ELP2: variants seen among roughly 807,000 people sequenced by gnomAD.
The protein encoded by ELP2 is elongator complex protein 2.
Under a neutral mutation model 119.2 loss-of-function variants are expected in ELP2, and 90 were observed. The ratio of observed to expected loss-of-function variants is 0.75; its 90% CI spans 0.64 to 0.90. ELP2 has a LOEUF of 0.90. Ranked by LOEUF, ELP2 falls within the 40% of genes least tolerant of loss-of-function variation. The pLI, the probability that ELP2 is intolerant of heterozygous loss-of-function variation, is 0.00. For synonymous variants in ELP2, 339 were observed against 331.0 expected (o/e 1.02, Z -0.26); for missense variants, 921 against 967.8 (o/e 0.95, Z 0.64).
At chr18:36,133,713 TTTAC>T (rs2144564389) in intron 2 of ELP2, among the ~76,000 whole-genome samples, 1 of 130,050 alleles carries the variant, frequency 7.7e-6, no homozygotes, top group Admixed American at 8.5e-5. Context: ...TTTTCTTTTA[TTTAC>T]TTATTTATTT....
chr18:36,132,841 A>G (rs892841940), intron 1 of ELP2, among the ~76,000 whole-genome samples: 5 of 151,648 alleles, frequency 3.3e-5, no homozygotes, highest in African/African-American at 1.2e-4. Context: ...TTTTGGTCAG[A>G]GAAACCCTCA....
intron 1 of ELP2, among the ~76,000 whole-genome samples, chr18:36,132,284 C>G (rs1478297117): frequency 2.0e-5 from 3 of 152,198 alleles, no homozygotes; most frequent in African/African-American, 7.2e-5. Flanking sequence ...CGACGACCAT[C>G]TGTGGGCTAG....
rs191303829 is a variant in ELP2, at chr18:36,166,697, A to C, written c.1955-404A>C. Reference sequence around the variant, plus strand: ...GAACTTCCCTTACACTTAAATCTTAAAAGGAAAATATTTTCTTAAGATTTC... The same window carrying C: ...GAACTTCCCTTACACTTAAATCTTACAAGGAAAATATTTTCTTAAGATTTC... On this transcript the variant is annotated intron_variant, in intron 18 of 21. Coordinates refer to ENST00000358232, the MANE Select transcript of ELP2 (RefSeq NM_018255.4). Among the ~76,000 whole-genome samples, 17 of 152,300 alleles carry C rather than the reference A, an allele frequency of 1.1e-4. 1 individual carries two copies. In the East Asian group the frequency reaches 3.3e-3, roughly 29 times the overall value.
intron 1 of ELP2, among the ~76,000 whole-genome samples, chr18:36,130,324 A>G (rs1433263079): frequency 2.6e-5 from 4 of 152,188 alleles, no homozygotes; most frequent in Non-Finnish European, 2.9e-5. Context: ...TGTTAGTCCC[A>G]CGCAGAAACC....
At chr18:36,151,430 A>C (rs913689907) in intron 11 of ELP2, among the ~76,000 whole-genome samples, 4 of 152,088 alleles carry the variant, frequency 2.6e-5, no homozygotes, top group Non-Finnish European at 4.4e-5. Context: ...AAGTGCAGTA[A>C]ACTGGTTTGG....
chr18:36,144,071 C>A (rs2090124360), intron 8 of ELP2, among the ~76,000 whole-genome samples: 1 of 151,676 alleles, frequency 6.6e-6, no homozygotes, highest in African/African-American at 2.4e-5. Flanking sequence ...AAAGGTAGTT[C>A]AGTGAACATT....
At chr18:36,155,351 A>G (rs879463204) in intron 12 of ELP2, among the ~76,000 whole-genome samples, 53 of 151,164 alleles carry the variant, frequency 3.5e-4, no homozygotes, top group Non-Finnish European at 6.6e-4. Context: ...TGTTTAAAAG[A>G]AAACATCCAT....
At position 36,147,669 on chromosome 18, in the gene ELP2, C is replaced by T. The variant is rs530598504; in HGVS notation, c.1125+1288C>T. Among the ~76,000 whole-genome samples, 109 of 152,138 alleles carry T rather than the reference C, an allele frequency of 7.2e-4. No homozygotes were observed. In the South Asian group the frequency reaches 0.016, roughly 23 times the overall value. Reference sequence around the variant, plus strand: ...CCTCAGGTGATTCTGCCCCTCCCCCCGCCTCAGCCTCCCAAAGTGCTGGGA... The same window carrying T: ...CCTCAGGTGATTCTGCCCCTCCCCCTGCCTCAGCCTCCCAAAGTGCTGGGA... On this transcript the variant is annotated intron_variant, in intron 11 of 21. Transcript: ENST00000358232.
At chr18:36,168,756 A>G (rs2090982387) in intron 19 of ELP2, among the ~76,000 whole-genome samples, 3 of 151,912 alleles carry the variant, frequency 2.0e-5, no homozygotes. Flanking sequence ...TCCAGCTGCT[A>G]CTCTCAGGGA....
chr18:36,147,729 C>T (rs1034821862), intron 11 of ELP2, among the ~76,000 whole-genome samples: 14 of 152,126 alleles, frequency 9.2e-5, no homozygotes, highest in African/African-American at 3.4e-4. Flanking sequence ...GGTCTACTGG[C>T]AGGGTTTTTA....
chr18:36,143,237 A>G (rs2090093216), intron 8 of ELP2, among the ~76,000 whole-genome samples: 1 of 151,920 alleles, frequency 6.6e-6, no homozygotes, highest in Non-Finnish European at 1.5e-5. Context: ...CTCCTGCCTC[A>G]GCCTTCCAAG....
chr18:36,144,797 T>G, intron 8 of ELP2, 142 bp from the exon 9 acceptor site: 1 of 654,530 alleles, frequency 1.5e-6, no homozygotes, highest in Non-Finnish European at 2.7e-6. Flanking sequence ...AAATTTAGAA[T>G]GCATGTTCTT....
At chr18:36,154,066 CTTTT>C (rs71166099) in intron 11 of ELP2, among the ~76,000 whole-genome samples, 2 of 115,878 alleles carry the variant, frequency 1.7e-5, no homozygotes. Context: ...TTGTCACAGG[CTTTT>C]TTTTTTTTTT....
At chr18:36,136,426 T>G (rs2089827968) in intron 3 of ELP2, 49 bp downstream of exon 3, 1 of 1,456,884 alleles carries the variant, frequency 6.9e-7, no homozygotes. Context: ...TGTTCATTTG[T>G]TTTTTAAGAG....
In ELP2 at chr18:36,144,998, G is replaced by A. The variant is rs759238637; in HGVS notation, c.856G>A (p.Val286Ile). 15 of 1,613,828 alleles carry A rather than the reference G, an allele frequency of 9.3e-6. No individual in the cohort carries two copies. The East Asian group carries it at 2.7e-4, about 29-fold the overall frequency. Residue 286 changes from valine (V) to isoleucine (I), a missense_variant, in exon 9 of 22, where the codon GTA becomes ATA. Physicochemically the swap from Val to Ile is conservative, Grantham distance 29 (BLOSUM62 3). Coordinates refer to ENST00000358232, the MANE Select transcript of ELP2 (RefSeq NM_018255.4). ...ETVLAGHENW[V>I]NAVHWQPVFY... Reference sequence around the variant, plus strand: ...AGTGCTAGCCGGTCATGAAAACTGGGTAAATGCAGTTCACTGGCAACCTGT... The same window carrying A: ...AGTGCTAGCCGGTCATGAAAACTGGATAAATGCAGTTCACTGGCAACCTGT...
chr18:36,174,777 A>C lies in ELP2; in HGVS notation c.*136A>C. 2 of 780,274 alleles carry C rather than the reference A, an allele frequency of 2.6e-6. No homozygotes were observed. Among genetic ancestry groups the C allele is most frequent in the Non-Finnish European group, 4.1e-6 (2 of 486,086 alleles). The allele number at this position is 780,274 out of a possible 1,614,324, so 48.3% of individuals were successfully genotyped here. ...TGAGATGGAGTCTTGCTTTGTCACAACCTCCACCTCCCAGGTTCAAGCGAT... is the reference window on the plus strand; with the variant it reads ...TGAGATGGAGTCTTGCTTTGTCACACCCTCCACCTCCCAGGTTCAAGCGAT... On this transcript the variant is annotated 3_prime_UTR_variant, in exon 22 of 22. Coordinates refer to ENST00000358232, the MANE Select transcript of ELP2 (RefSeq NM_018255.4).
intron 9 of ELP2, chr18:36,145,286 A>G (rs2090162392): frequency 6.7e-6 from 3 of 445,676 alleles, no homozygotes; most frequent in Non-Finnish European, 8.2e-6. Context: ...GTAACTTTTT[A>G]TCTTAAAAGT....
chr18:36,176,916 A>G lies in ELP2; in HGVS notation c.*2275A>G, dbSNP rs891261265. On this transcript the variant is annotated 3_prime_UTR_variant, in exon 22 of 22. Coordinates refer to ENST00000358232, the MANE Select transcript of ELP2 (RefSeq NM_018255.4). ...GTGGTTTTATCTTAATTAAAATGACATCACCAACAATGGGCCCTTTCCTGT... is the reference window on the plus strand; with the variant it reads ...GTGGTTTTATCTTAATTAAAATGACGTCACCAACAATGGGCCCTTTCCTGT... 1 of 152,136 alleles carries G rather than the reference A, an allele frequency of 6.6e-6. No individual in the cohort carries two copies. Among genetic ancestry groups the G allele is most frequent in the Non-Finnish European group, 1.5e-5 (1 of 68,028 alleles). The allele number at this position is 152,136 out of a possible 1,614,324, so 9.4% of individuals were successfully genotyped here. A position where few individuals can be genotyped will look rare whatever the true frequency, so the allele number is the denominator to read the frequency against.
chr18:36,158,975 G>A, intron 14 of ELP2, 71 bp downstream of exon 14: 1 of 1,045,850 alleles, frequency 9.6e-7, no homozygotes, highest in Non-Finnish European at 1.5e-6. Flanking sequence ...CTTGTGTAAT[G>A]TCTACCTAAT....
Sources: allele counts gnomAD v4.1 joint callset (sites outside exome capture counted in the v4.1 genomes callset), GRCh38; gene constraint gnomAD v4.1.1; transcripts MANE v1.5; gene names NCBI Gene and HGNC (gene_info 2026-07-23, HGNC 2026-07-21).